The following IL17RD variants were observed in gnomAD, a reference collection of about 807,000 sequenced individuals.
IL17RD encodes the protein interleukin-17 receptor D.
A neutral mutation model predicts 80.5 loss-of-function variants in IL17RD; 52 were observed. That is an observed-to-expected ratio of 0.65 (90% CI 0.52 to 0.81). The LOEUF (loss-of-function observed/expected upper bound fraction) is 0.81. Among genes scored for constraint, IL17RD ranks in the 40% least tolerant of loss-of-function variants. IL17RD has a pLI of 0.00. For synonymous variants in IL17RD, 416 were observed against 391.8 expected (o/e 1.06, Z -0.73); for missense variants, 1,024 against 955.1 (o/e 1.07, Z -0.95).
At chr3:57,128,382 T>C (rs549748435) in intron 1 of IL17RD, among the ~76,000 whole-genome samples, 2 of 152,298 alleles carry the variant, frequency 1.3e-5, no homozygotes, top group Admixed American at 1.3e-4. Flanking sequence ...CACACACATG[T>C]TCCTAATTTC....
In IL17RD at chr3:57,120,278, G is replaced by A. The variant is rs924798606; in HGVS notation, c.162C>T (p.Tyr54=). ...TACTGTCATATTTGAAGGTGATGTT[G>A]TACAGCCCACTGTTTCTGCTGGCTG... The part of the protein sequence containing the change: ...VGPASRNSGL[Y]NITFKYDNCT... Residue 54 remains tyrosine (Y), a synonymous_variant, in exon 2 of 13, where the codon TAC becomes TAT. Coordinates refer to ENST00000296318, the MANE Select transcript of IL17RD (RefSeq NM_017563.5). 6.2e-7 allele frequency: 1 copy of A among 1,613,554 alleles called. No homozygotes were observed. Among genetic ancestry groups the A allele is most frequent in the Admixed American group, 1.7e-5 (1 of 60,030 alleles).
At chr3:57,113,640 C>T (rs1707146128) in intron 3 of IL17RD, among the ~76,000 whole-genome samples, 1 of 152,100 alleles carries the variant, frequency 6.6e-6, no homozygotes, top group African/African-American at 2.4e-5. Context: ...CTGGGCTCAA[C>T]TGATCCTCCT....
At position 57,114,744 on chromosome 3, in the gene IL17RD, A is replaced by C; in HGVS notation, c.258T>G (p.Tyr86Ter). The change falls in exon 3 of 13, where the codon TAT becomes TAG. Residue 86 changes from tyrosine (Y) to a stop codon, truncating the protein, a stop_gained. Coordinates refer to ENST00000296318, the MANE Select transcript of IL17RD (RefSeq NM_017563.5). LOFTEE classifies it high-confidence loss of function. ...ADAQNITISQ[Y>*]ACHDQVAVTI... ...TGACTGCCACTTGGTCATGGCAAGC[A>C]TACTGGCTGATGGTGATATTCTGGG... 2 of 1,612,812 alleles carry C rather than the reference A, an allele frequency of 1.2e-6. No homozygotes were observed. Among genetic ancestry groups the C allele is most frequent in the Non-Finnish European group, 1.7e-6 (2 of 1,179,582 alleles).
rs372888872 is a variant in IL17RD at position 57,127,359 on chromosome 3, A to AAT, written c.127-7048_127-7047dup. 9.3e-4 allele frequency among the ~76,000 whole-genome samples: 69 copies of AAT among 74,004 alleles called. 1 individual carries two copies. The highest frequency in any genetic ancestry group is 8.7e-3 in the East Asian group (11 of 1,270). 48.5% of individuals were successfully genotyped at this position (74,004 alleles called of 152,430 possible). On this transcript the variant is annotated intron_variant, in intron 1 of 12. Coordinates refer to ENST00000296318, the MANE Select transcript of IL17RD (RefSeq NM_017563.5). ...ATAAAAATATATATAAATATATATA[A>AAT]ATATAAATATATATATATAAATAAA...
At chr3:57,136,879 G>C (rs1352342) in intron 1 of IL17RD, among the ~76,000 whole-genome samples, 36,184 of 151,668 alleles carry the variant, frequency 0.24, 5,270 homozygotes, top group East Asian at 0.39. Flanking sequence ...GGAAAACAAA[G>C]CTAAAAGACA....
intron 1 of IL17RD, among the ~76,000 whole-genome samples, chr3:57,137,103 A>G (rs1707746348): frequency 6.6e-6 from 1 of 152,216 alleles, no homozygotes; most frequent in Non-Finnish European, 1.5e-5. Flanking sequence ...TTGTGCTACC[A>G]ACTGTACCAC....
At chr3:57,104,553 G>GTT in intron 7 of IL17RD, 146 bp from the exon 8 acceptor site, 1 of 625,974 alleles carries the variant, frequency 1.6e-6, no homozygotes. Flanking sequence ...AAGCAACTGT[G>GTT]TTTATCTGCC....
chr3:57,146,315 C>A (rs1243858016), intron 1 of IL17RD, among the ~76,000 whole-genome samples: 1 of 152,188 alleles, frequency 6.6e-6, no homozygotes, highest in South Asian at 2.1e-4. Flanking sequence ...ATTTCGCCCA[C>A]ACCTAGCTTT....
At position 57,096,005 on chromosome 3, in the gene IL17RD, C is replaced by G. The variant is rs1025255436; in HGVS notation, c.*388G>C. 5.8e-6 allele frequency: 1 copy of G among 171,576 alleles called. No homozygotes were observed. Among genetic ancestry groups the G allele is most frequent in the African/African-American group, 2.4e-5 (1 of 42,184 alleles). 10.6% of individuals were successfully genotyped at this position (171,576 alleles called of 1,614,324 possible). A position where few individuals can be genotyped will look rare whatever the true frequency, so the allele number is the denominator to read the frequency against. ...CCTTTTTTCACAAAGCATTTCAAAT[C>G]AAGGTAGCCAATAGCAAACAGGCAA... On this transcript the variant is annotated 3_prime_UTR_variant, in exon 13 of 13. Transcript: ENST00000296318.
At chr3:57,151,068 G>A (rs1708049362) in intron 1 of IL17RD, among the ~76,000 whole-genome samples, 1 of 152,230 alleles carries the variant, frequency 6.6e-6, no homozygotes, top group Non-Finnish European at 1.5e-5. Flanking sequence ...GGGAGAGAAT[G>A]CCTGCTTAAT....
chr3:57,147,175 T>C (rs969742658), intron 1 of IL17RD, among the ~76,000 whole-genome samples: 1 of 152,092 alleles, frequency 6.6e-6, no homozygotes, highest in Admixed American at 6.5e-5. Context: ...TGAGTACATG[T>C]ATACTGCTGA....
chr3:57,139,301 A>T (rs1239094273), intron 1 of IL17RD, among the ~76,000 whole-genome samples: 2 of 152,204 alleles, frequency 1.3e-5, no homozygotes, highest in Non-Finnish European at 2.9e-5. Context: ...CAGTCAAAAT[A>T]AAGAATATTA....
At chr3:57,142,477 A>G (rs1386829) in intron 1 of IL17RD, 216,384 of 1,282,538 alleles carry the variant, frequency 0.17, 22,502 homozygotes, top group African/African-American at 0.41. Context: ...CAAACAACGC[A>G]GGAACACCTG....
chr3:57,114,139 G>A (rs371279442), intron 3 of IL17RD, among the ~76,000 whole-genome samples: 3 of 150,784 alleles, frequency 2.0e-5, no homozygotes, highest in African/African-American at 7.3e-5. Context: ...AGCCGAGATC[G>A]CACCATTGCA....
intron 1 of IL17RD, among the ~76,000 whole-genome samples, chr3:57,143,005 T>G (rs1266853674): frequency 6.6e-6 from 1 of 152,042 alleles, no homozygotes; most frequent in Non-Finnish European, 1.5e-5. Flanking sequence ...GGTAAATGAG[T>G]GTTTCAAACG....
chr3:57,096,554 G>T, intron 12 of IL17RD, 49 bp from the exon 13 acceptor site: 1 of 1,272,538 alleles, frequency 7.9e-7, no homozygotes, highest in Non-Finnish European at 1.2e-6. Flanking sequence ...CATTTCACTG[G>T]GCTGGGCAGG....
chr3:57,161,251 T>C (rs767969657), intron 1 of IL17RD, among the ~76,000 whole-genome samples: 3 of 152,162 alleles, frequency 2.0e-5, no homozygotes, highest in African/African-American at 2.4e-5. Flanking sequence ...GGCCATACGA[T>C]AGGCAGACCA....
chr3:57,143,213 T>G (rs190527497), intron 1 of IL17RD, among the ~76,000 whole-genome samples: 20 of 152,210 alleles, frequency 1.3e-4, no homozygotes, highest in Admixed American at 7.2e-4. Flanking sequence ...TTAACTCCGC[T>G]GTCAGCCACT....
At chr3:57,124,234 T>C (rs775805728) in intron 1 of IL17RD, among the ~76,000 whole-genome samples, 1 of 152,148 alleles carries the variant, frequency 6.6e-6, no homozygotes, top group African/African-American at 2.4e-5. Flanking sequence ...TGCACTTCTA[T>C]TTTCCTTACA....
Sources: allele counts gnomAD v4.1 joint callset (sites outside exome capture counted in the v4.1 genomes callset), GRCh38; gene constraint gnomAD v4.1.1; transcripts MANE v1.5; gene names NCBI Gene and HGNC (gene_info 2026-07-23, HGNC 2026-07-21).